ALPK3: variants seen among roughly 807,000 people sequenced by gnomAD.
The protein encoded by ALPK3 is alpha-protein kinase 3.
Under a neutral mutation model 140.0 loss-of-function variants are expected in ALPK3, and 102 were observed. The ratio of observed to expected loss-of-function variants is 0.73; its 90% confidence interval spans 0.62 to 0.86. The LOEUF is 0.86. Among genes scored for constraint, ALPK3 ranks in the 40% least tolerant of loss-of-function variants. ALPK3 has a pLI of 0.00. For synonymous variants in ALPK3, 938 were observed against 898.5 expected, an observed-to-expected ratio of 1.04 and a Z score of -0.79; for missense variants, 2,254 against 2,208.2, an observed-to-expected ratio of 1.02 and a Z score of -0.42.
At chr15:84,847,864 G>A (rs564257951) in intron 5 of ALPK3, among the ~76,000 whole-genome samples, 2 of 152,150 alleles carry the variant, frequency 1.3e-5, no homozygotes, top group East Asian at 3.9e-4. Context: ...TTCGAGACCA[G>A]CCTGACCAAC....
intron 2 of ALPK3, among the ~76,000 whole-genome samples, chr15:84,825,460 C>CCA (rs1963476815): frequency 6.6e-6 from 1 of 152,196 alleles, no homozygotes; most frequent in Non-Finnish European, 1.5e-5. Context: ...CAGGCGTGAC[C>CCA]CACTGCACCT....
rs1201904262 is a variant in ALPK3 at position 84,859,228 on chromosome 15, G to A, written c.3818-15G>A. ...GAGAGGTGGTGTTCCCCTCTTGACT[G>A]GGCCCTGCTCTCAGCCCCACAGGTG... On this transcript the variant is annotated splice_polypyrimidine_tract_variant and intron_variant, in intron 6 of 13. Transcript: ENST00000258888. 6.2e-7 allele frequency: 1 copy of A among 1,613,800 alleles called. No individual in the cohort carries two copies. The highest frequency in any genetic ancestry group is 1.1e-5 in the South Asian group (1 of 91,060).
intron 2 of ALPK3, among the ~76,000 whole-genome samples, chr15:84,826,620 T>C (rs1286318747): frequency 2.6e-5 from 4 of 152,058 alleles, no homozygotes; most frequent in Non-Finnish European, 4.4e-5. Flanking sequence ...AGCCTGAGCA[T>C]TGTTGGTGAG....
chr15:84,847,690 G>T (rs1309820493), intron 5 of ALPK3, among the ~76,000 whole-genome samples: 1 of 152,104 alleles, frequency 6.6e-6, no homozygotes, highest in Non-Finnish European at 1.5e-5. Flanking sequence ...ATATCTTTAA[G>T]TATTGAAAGT....
Position 84,858,421 on chromosome 15 carries a change from G to T in ALPK3, c.3683G>T (p.Arg1228Leu). The change falls in exon 6 of 14, where the codon CGG becomes CTG. Residue 1228 changes from arginine to leucine, a missense_variant. Around this residue, in one of 3 missense-constraint regions of ALPK3, gnomAD observed 2,088 missense variants for 2,022.9 expected, o/e 1.03. Coordinates refer to ENST00000258888, the MANE Select transcript of ALPK3 (RefSeq NM_020778.5). ...AAGGCGAGCATGCTGGAGGTGCCTC[G>T]GGCAGAGGAGGAGCTGGCGGCAGGA... The part of the protein sequence containing the change: ...GRKASMLEVP[R>L]AEEELAAGDL... The T allele has an allele frequency of 6.4e-7, 1 of 1,560,142 alleles. No homozygotes were observed.
intron 2 of ALPK3, 95 bp from the exon 3 acceptor site, chr15:84,827,389 G>A: frequency 3.2e-6 from 5 of 1,541,954 alleles, no homozygotes; most frequent in Non-Finnish European, 4.4e-6. Context: ...AGGAAGATGG[G>A]CAGGCATGGT....
At chr15:84,821,909 C>G (rs1963429248) in intron 1 of ALPK3, among the ~76,000 whole-genome samples, 1 of 152,064 alleles carries the variant, frequency 6.6e-6, no homozygotes, top group Admixed American at 6.5e-5. Flanking sequence ...AGGGAAGGCT[C>G]AGGGGTCAGG....
intron 5 of ALPK3, among the ~76,000 whole-genome samples, chr15:84,844,184 C>T (rs1031875882): frequency 1.3e-5 from 2 of 152,072 alleles, no homozygotes; most frequent in African/African-American, 4.8e-5. Flanking sequence ...GCTGAGATTG[C>T]ACCACTGCAC....
At chr15:84,841,246 G>A (rs1013588623) in intron 5 of ALPK3, among the ~76,000 whole-genome samples, 10 of 152,238 alleles carry the variant, frequency 6.6e-5, no homozygotes, top group Admixed American at 4.6e-4. Context: ...GGCCAGTGGA[G>A]AGCTTTCTGT....
At chr15:84,845,110 C>A (rs1005185693) in intron 5 of ALPK3, among the ~76,000 whole-genome samples, 2 of 151,862 alleles carry the variant, frequency 1.3e-5, no homozygotes, top group Non-Finnish European at 2.9e-5. Flanking sequence ...ACTCAAAGTA[C>A]CACTGAACCT....
chr15:84,863,535 G>A lies in ALPK3; in HGVS notation c.4411-17G>A, dbSNP rs748121478. ...AGGAATTTCTTTGCTCACCACATTT[G>A]GTTCCCTCATCCACAGGGGTGCAAG... On this transcript the variant is annotated splice_polypyrimidine_tract_variant and intron_variant, in intron 10 of 13. Transcript: ENST00000258888. 1.2e-6 allele frequency: 2 copies of A among 1,611,322 alleles called. No homozygotes were observed. The highest frequency in any genetic ancestry group is 4.5e-5 in the East Asian group (2 of 44,834).
Position 84,840,817 on chromosome 15 carries a change from T to C in ALPK3, c.1538T>C (p.Leu513Ser). The C allele has an allele frequency of 6.2e-7, 1 of 1,614,130 alleles. No individual in the cohort carries two copies. Among genetic ancestry groups the C allele is most frequent in the Admixed American group, 1.7e-5 (1 of 60,010 alleles). The change falls in exon 5 of 14, where the codon TTA becomes TCA. Residue 513 changes from leucine to serine, a missense_variant. Around this residue, in one of 3 missense-constraint regions of ALPK3, gnomAD observed 2,088 missense variants for 2,022.9 expected, o/e 1.03. Transcript: ENST00000258888. The stretch of plus-strand genomic sequence containing the variant: ...GCTCCAGAATGCGGGGCCCAGAGCT[T>C]AGGAAAGGCCCCACCTCAGGCCTCT... ...SQAPECGAQSLGKAPPQASVQ... is the reference protein window; with the variant it reads ...SQAPECGAQSSGKAPPQASVQ...
At position 84,856,945 on chromosome 15, in the gene ALPK3, C is replaced by G. The variant is rs767413857; in HGVS notation, c.2207C>G (p.Ser736Cys). The change falls in exon 6 of 14, where the codon TCC (serine) becomes TGC (cysteine). Residue 736 changes from serine to cysteine, a missense_variant. Around this residue, in one of 3 missense-constraint regions of ALPK3, gnomAD observed 2,088 missense variants for 2,022.9 expected, o/e 1.03. Transcript: ENST00000258888. The part of the protein sequence containing the change: ...QEVATSLGPP[S>C]RTPKLPPTAG... ...GTGGCAACCAGCCTCGGCCCACCAT[C>G]CAGAACCCCCAAACTCCCACCTACA... The G allele has an allele frequency of 2.5e-5, 41 of 1,614,084 alleles. No individual in the cohort carries two copies. In the East Asian group the frequency reaches 8.7e-4, roughly 34 times the overall value.
intron 3 of ALPK3, among the ~76,000 whole-genome samples, chr15:84,837,694 G>A (rs924872419): frequency 3.9e-5 from 6 of 152,206 alleles, no homozygotes; most frequent in African/African-American, 1.4e-4. Flanking sequence ...GCTTCTTATG[G>A]AATTGACAAG....
rs751180190 is a variant in ALPK3, at chr15:84,857,152, C to T, written c.2414C>T (p.Pro805Leu). The change falls in exon 6 of 14, where the codon CCC becomes CTC. Residue 805 changes from proline to leucine, a missense_variant. By Grantham distance (98) the Pro-to-Leu change is moderately conservative (BLOSUM62 -3). Around this residue, in one of 3 missense-constraint regions of ALPK3, gnomAD observed 2,088 missense variants for 2,022.9 expected, o/e 1.03. Coordinates refer to ENST00000258888, the MANE Select transcript of ALPK3 (RefSeq NM_020778.5). Reference protein sequence around the residue: ...SGNLMLPAQPPHEGSVEQVGG... With the variant: ...SGNLMLPAQPLHEGSVEQVGG... The stretch of plus-strand genomic sequence containing the variant: ...AACCTCATGCTCCCAGCACAGCCGC[C>T]CCATGAGGGGAGTGTGGAGCAGGTG... The T allele has an allele frequency of 9.3e-6, 15 of 1,614,138 alleles. No homozygotes were observed. In the African/African-American group the frequency reaches 1.1e-4, roughly 11 times the overall value.
intron 5 of ALPK3, among the ~76,000 whole-genome samples, chr15:84,843,030 A>T (rs1963684983): frequency 6.6e-6 from 1 of 152,238 alleles, no homozygotes; most frequent in Non-Finnish European, 1.5e-5. Flanking sequence ...GAGGAACCCA[A>T]TACCAGATGG....
chr15:84,851,383 G>T (rs1963801289), intron 5 of ALPK3, among the ~76,000 whole-genome samples: 1 of 152,152 alleles, frequency 6.6e-6, no homozygotes, highest in South Asian at 2.1e-4. Context: ...CTTGCTGAGG[G>T]ACGGGCCTCA....
chr15:84,839,060 A>G lies in ALPK3; in HGVS notation c.385A>G (p.Thr129Ala). ...RYCGLPKYEI[T>A]HQGNRHTLQL... ...CTGTGGCTTGCCAAAATATGAGATCACTCATCAGGGCAACCGCCACACACT... is the reference window on the plus strand; with the variant it reads ...CTGTGGCTTGCCAAAATATGAGATCGCTCATCAGGGCAACCGCCACACACT... Residue 129 changes from threonine (T) to alanine (A), a missense_variant, in exon 4 of 14, where the codon ACT (threonine) becomes GCT (alanine). Physicochemically the swap from Thr to Ala is moderately conservative, Grantham distance 58. Around this residue, in one of 3 missense-constraint regions of ALPK3, gnomAD observed 2,088 missense variants for 2,022.9 expected, o/e 1.03. Transcript: ENST00000258888. 1 of 1,609,884 alleles carries G rather than the reference A, an allele frequency of 6.2e-7. No individual in the cohort carries two copies.
chr15:84,864,658 C>T lies in ALPK3; in HGVS notation c.4716C>T (p.Asp1572=). The part of the protein sequence containing the change: ...QWTNGSFLVT[D]LAGVDWKMTD... ...CAAATGGCAGCTTCCTTGTCACAGA[C>T]TTGGCAGGTACGAGGGTGTGAGGGT... is the stretch of plus-strand genomic sequence containing the variant. Residue 1572 remains aspartate, a synonymous_variant, in exon 12 of 14, where the codon GAC becomes GAT. Transcript: ENST00000258888. 1 of 1,614,000 alleles carries T rather than the reference C, an allele frequency of 6.2e-7. No homozygotes were observed. Among genetic ancestry groups the T allele is most frequent in the African/African-American group, 1.3e-5 (1 of 75,044 alleles).
Sources: allele counts gnomAD v4.1 joint callset (sites outside exome capture counted in the v4.1 genomes callset), GRCh38; gene constraint gnomAD v4.1.1; regional missense constraint gnomAD v4.1.1; transcripts MANE v1.5; gene names NCBI Gene and HGNC (gene_info 2026-07-23, HGNC 2026-07-21).